Variants in CEP126 observed in about 807,000 individuals in gnomAD.
CEP126 encodes the protein centrosomal protein of 126 kDa.
A neutral mutation model predicts 107.8 loss-of-function variants in CEP126; 74 were observed. The ratio of observed to expected loss-of-function variants is 0.69; its 90% CI spans 0.57 to 0.83. The LOEUF (loss-of-function observed/expected upper bound fraction) is 0.83. CEP126 is among the 40% of genes least tolerant of loss of function. The probability of loss-of-function intolerance (pLI) is 0.00; values close to 1 mark genes in which losing one functional copy is unlikely to be tolerated. For missense variants in CEP126, 1,237 were observed against 1,281.9 expected, an observed-to-expected ratio of 0.96 and a Z score of 0.53; for synonymous variants, 449 against 446.0, an observed-to-expected ratio of 1.01 and a Z score of -0.08.
intron 4 of CEP126, among the ~76,000 whole-genome samples, chr11:101,951,380 C>T (rs1940810195): frequency 6.6e-6 from 1 of 151,994 alleles, no homozygotes; most frequent in South Asian, 2.1e-4. Context: ...GGCATGCTGG[C>T]ACACACCTGT....
chr11:101,971,954 T>C (rs997553602), intron 6 of CEP126, among the ~76,000 whole-genome samples: 1 of 151,408 alleles, frequency 6.6e-6, no homozygotes, highest in African/African-American at 2.4e-5. Context: ...ACTAAAAATT[T>C]AAAAATTAGC....
chr11:101,915,536 A>C, intron 1 of CEP126, 124 bp downstream of exon 1: 5 of 1,261,966 alleles, frequency 4.0e-6, no homozygotes, highest in South Asian at 3.1e-5. Flanking sequence ...CTTAGTGCAG[A>C]TATTTCCTTT....
At chr11:101,959,533 CTAGACATGT>C (rs1940946292) in intron 5 of CEP126, among the ~76,000 whole-genome samples, 1 of 152,074 alleles carries the variant, frequency 6.6e-6, no homozygotes, top group African/African-American at 2.4e-5. Flanking sequence ...TCAAAACTTA[CTAGACATGT>C]GAAGAATCAG....
rs1345933193 is a variant in CEP126 at position 101,998,835 on chromosome 11, G to A, written c.*1192G>A. On this transcript the variant is annotated 3_prime_UTR_variant, in exon 11 of 11. Coordinates refer to ENST00000263468, the MANE Select transcript of CEP126 (RefSeq NM_020802.4). The stretch of plus-strand genomic sequence containing the variant: ...CATGGGTATTTTTGTCTCCACTTTA[G>A]AGATGAGAAACTGAGCCAAGGCCAC... The A allele has an allele frequency of 6.6e-6, 1 of 151,994 alleles. No homozygotes were observed. Among genetic ancestry groups the A allele is most frequent in the Non-Finnish European group, 1.5e-5 (1 of 68,016 alleles). The allele number at this position is 151,994 out of a possible 1,614,324, so 9.4% of individuals were successfully genotyped here. A position where few individuals can be genotyped will look rare whatever the true frequency, so the allele number is the denominator to read the frequency against.
At chr11:101,936,502 G>A (rs773738768) in intron 2 of CEP126, among the ~76,000 whole-genome samples, 22 of 151,976 alleles carry the variant, frequency 1.4e-4, no homozygotes, top group African/African-American at 2.9e-4. Context: ...TAATTATGTC[G>A]TCTGCAAATA....
rs184986783 is a variant in CEP126 at position 101,917,307 on chromosome 11, A to G, written c.128+1895A>G. Among the ~76,000 whole-genome samples the G allele has an allele frequency of 9.5e-4, 144 of 152,222 alleles. 3 individuals are homozygous for G. The highest frequency in any genetic ancestry group is 9.9e-4 in the Non-Finnish European group (67 of 67,998). Reference sequence around the variant, plus strand: ...TCCCATTGGATACCTAGCACAGAGTAGGTGCTCAAATTTACATGACTAAAT... The same window carrying G: ...TCCCATTGGATACCTAGCACAGAGTGGGTGCTCAAATTTACATGACTAAAT... On this transcript the variant is annotated intron_variant, in intron 1 of 10. Coordinates refer to ENST00000263468, the MANE Select transcript of CEP126 (RefSeq NM_020802.4).
At chr11:101,935,458 C>G (rs951685586) in intron 2 of CEP126, among the ~76,000 whole-genome samples, 1 of 152,064 alleles carries the variant, frequency 6.6e-6, no homozygotes, top group Non-Finnish European at 1.5e-5. Flanking sequence ...AAAGTTCATA[C>G]TTACAGATTT....
intron 10 of CEP126, among the ~76,000 whole-genome samples, chr11:101,994,742 T>C (rs1941422532): frequency 6.6e-6 from 1 of 152,220 alleles, no homozygotes; most frequent in Non-Finnish European, 1.5e-5. Flanking sequence ...CAGAGTATTT[T>C]CATCAGTCAT....
At chr11:101,958,428 T>C (rs1940929454) in intron 5 of CEP126, 62 bp downstream of exon 5, 1 of 1,390,440 alleles carries the variant, frequency 7.2e-7, no homozygotes, top group South Asian at 1.2e-5. Context: ...GCTCCACTTT[T>C]GCAGTGTTCT....
At chr11:101,926,905 G>A (rs552547105) in intron 2 of CEP126, among the ~76,000 whole-genome samples, 87 of 152,238 alleles carry the variant, frequency 5.7e-4, no homozygotes, top group African/African-American at 1.9e-3. Flanking sequence ...CTGCCTTTGA[G>A]CTATTAAGCT....
At chr11:101,984,383 T>G (rs186278355) in intron 8 of CEP126, among the ~76,000 whole-genome samples, 1 of 152,304 alleles carries the variant, frequency 6.6e-6, no homozygotes, top group Non-Finnish European at 1.5e-5. Context: ...AAAAATTATG[T>G]CTGACCTCAT....
intron 3 of CEP126, among the ~76,000 whole-genome samples, chr11:101,946,683 A>G (rs1940741394): frequency 6.6e-6 from 1 of 151,936 alleles, no homozygotes; most frequent in Non-Finnish European, 1.5e-5. Flanking sequence ...AACATGGTGA[A>G]ACCCCATCTC....
In CEP126 at chr11:101,944,750, T is replaced by C. The variant is rs74475621; in HGVS notation, c.394+340T>C. Among the ~76,000 whole-genome samples, 413 of 152,314 alleles carry C rather than the reference T, an allele frequency of 2.7e-3. 2 individuals are homozygous for C. The highest frequency in any genetic ancestry group is 9.3e-3 in the African/African-American group (386 of 41,584). ...AAAATTAGTGTCACATTTATTCTAGTATTTTTTAATGGTTTGGTTCAAATT... is the reference window on the plus strand; with the variant it reads ...AAAATTAGTGTCACATTTATTCTAGCATTTTTTAATGGTTTGGTTCAAATT... On this transcript the variant is annotated intron_variant, in intron 3 of 10. Coordinates refer to ENST00000263468, the MANE Select transcript of CEP126 (RefSeq NM_020802.4).
At chr11:101,945,467 G>GT (rs903698967) in intron 3 of CEP126, among the ~76,000 whole-genome samples, 9 of 152,114 alleles carry the variant, frequency 5.9e-5, no homozygotes, top group South Asian at 2.1e-4. Context: ...TCCACTTACA[G>GT]TTTTTTTAAC....
At chr11:101,936,282 G>C (rs1008497377) in intron 2 of CEP126, among the ~76,000 whole-genome samples, 4 of 151,784 alleles carry the variant, frequency 2.6e-5, no homozygotes, top group Admixed American at 6.6e-5. Context: ...CAGAAGTCTT[G>C]CATGTCTTTG....
chr11:101,915,015 G>C lies in CEP126; in HGVS notation c.-270G>C. On this transcript the variant is annotated 5_prime_UTR_variant, in exon 1 of 11. Coordinates refer to ENST00000263468, the MANE Select transcript of CEP126 (RefSeq NM_020802.4). ...AGGTTTCCGTTGTCAAGGACGCGCC[G>C]TCGGTTGTTGTCAAGATGGCGGCTG... 1 of 401,134 alleles carries C rather than the reference G, an allele frequency of 2.5e-6. No homozygotes were observed. Among genetic ancestry groups the C allele is most frequent in the Non-Finnish European group, 4.5e-6 (1 of 224,396 alleles). The allele number at this position is 401,134 out of a possible 1,614,324, so 24.8% of individuals were successfully genotyped here. A position where few individuals can be genotyped will look rare whatever the true frequency, so the allele number is the denominator to read the frequency against.
chr11:101,915,232 C>T lies in CEP126; in HGVS notation c.-53C>T. ...GAGCAGGAGGAGGAGGAAGCCGGAG[C>T]TGCCATGAGGGAGGTTCTGGGGGCG... On this transcript the variant is annotated 5_prime_UTR_variant, in exon 1 of 11. Coordinates refer to ENST00000263468, the MANE Select transcript of CEP126 (RefSeq NM_020802.4). The T allele has an allele frequency of 1.2e-6, 2 of 1,605,234 alleles. No individual in the cohort carries two copies. Among genetic ancestry groups the T allele is most frequent in the Non-Finnish European group, 1.7e-6 (2 of 1,175,412 alleles).
intron 8 of CEP126, among the ~76,000 whole-genome samples, chr11:101,984,339 G>T (rs892206854): frequency 2.0e-5 from 3 of 152,164 alleles, no homozygotes; most frequent in Admixed American, 6.5e-5. Flanking sequence ...GATGAACAAG[G>T]TAGTGACTGA....
At chr11:101,979,756 ATAAAAT>A (rs1303518421) in intron 7 of CEP126, among the ~76,000 whole-genome samples, 2 of 152,170 alleles carry the variant, frequency 1.3e-5, no homozygotes, top group Admixed American at 6.5e-5. Flanking sequence ...AATTAAATAA[ATAAAAT>A]TAAAATTAAA....
Sources: gnomAD v4.1 joint callset for allele counts (sites outside exome capture counted in the v4.1 genomes callset) on GRCh38, gnomAD v4.1.1 for gene constraint, MANE v1.5 for transcripts, NCBI Gene and HGNC (gene_info 2026-07-23, HGNC 2026-07-21) for gene names.